WWOX: variants seen among roughly 807,000 people sequenced by gnomAD.
WWOX encodes WW domain-containing oxidoreductase.
Under a neutral mutation model 46.2 loss-of-function variants are expected in WWOX, and 69 were observed. That is an observed-to-expected ratio of 1.49 (90% CI 1.23 to 1.82). The LOEUF (loss-of-function observed/expected upper bound fraction) is 1.82, where lower values mean the gene tolerates loss of function less well. Ranked by LOEUF, WWOX falls within the 40% of genes most tolerant of loss-of-function variation. The pLI, the probability that WWOX is intolerant of heterozygous loss-of-function variation, is 0.00. For synonymous variants in WWOX, 359 were observed against 202.6 expected (o/e 1.77, Z -6.56); for missense variants, 919 against 542.6 (o/e 1.69, Z -6.89).
At chr16:79,080,975 T>G (rs2048749878) in intron 8 of WWOX, among the ~76,000 whole-genome samples, 1 of 152,144 alleles carries the variant, frequency 6.6e-6, no homozygotes, top group Admixed American at 6.5e-5. Context: ...GATGAAAAGA[T>G]TTTTATACCT....
At chr16:78,630,663 C>G (rs1597371738) in intron 8 of WWOX, among the ~76,000 whole-genome samples, 1 of 152,216 alleles carries the variant, frequency 6.6e-6, no homozygotes, top group Non-Finnish European at 1.5e-5. Flanking sequence ...TTTCCCTGTG[C>G]TCATTTTGCC....
At chr16:78,393,640 T>G (rs2082224189) in intron 6 of WWOX, among the ~76,000 whole-genome samples, 1 of 152,212 alleles carries the variant, frequency 6.6e-6, no homozygotes, top group Non-Finnish European at 1.5e-5. Context: ...TCAGCTTGTA[T>G]AATACTGACC....
intron 6 of WWOX, among the ~76,000 whole-genome samples, chr16:78,414,985 A>C (rs530728483): frequency 1.8e-4 from 27 of 152,018 alleles, no homozygotes; most frequent in African/African-American, 6.5e-4. Flanking sequence ...AAAGAATAAA[A>C]GAATGGCTAC....
intron 8 of WWOX, among the ~76,000 whole-genome samples, chr16:79,090,691 C>G (rs1251372475): frequency 6.6e-6 from 1 of 152,186 alleles, no homozygotes; most frequent in Non-Finnish European, 1.5e-5. Context: ...CGGCAAGTAT[C>G]AAGGTCCCGA....
chr16:79,206,915 G>C (rs922303641), intron 8 of WWOX, among the ~76,000 whole-genome samples: 1 of 152,174 alleles, frequency 6.6e-6, no homozygotes, highest in Admixed American at 6.5e-5. Context: ...AGTGAGTAGG[G>C]AACAAGTGGC....
At chr16:78,675,840 T>C (rs2047585144) in intron 8 of WWOX, among the ~76,000 whole-genome samples, 1 of 151,954 alleles carries the variant, frequency 6.6e-6, no homozygotes, top group African/African-American at 2.4e-5. Context: ...AATATATATA[T>C]TTTTTTAAAT....
intron 4 of WWOX, among the ~76,000 whole-genome samples, chr16:78,138,380 AG>A (rs1242870526): frequency 4.4e-5 from 6 of 137,404 alleles, no homozygotes; most frequent in African/African-American, 8.1e-5. Context: ...AACTCAGTTG[AG>A]CAGTAAAGAT....
chr16:78,449,870 T>G (rs549463382), intron 8 of WWOX, among the ~76,000 whole-genome samples: 1 of 152,064 alleles, frequency 6.6e-6, no homozygotes, highest in South Asian at 2.1e-4. Context: ...TGGATTTGAG[T>G]TACAAAAACT....
chr16:78,807,709 G>C (rs145191185), intron 8 of WWOX, among the ~76,000 whole-genome samples: 6 of 152,208 alleles, frequency 3.9e-5, no homozygotes, highest in Admixed American at 2.0e-4. Flanking sequence ...AAGAAACAAC[G>C]TACTGTTACA....
At chr16:78,732,686 A>G (rs1011395601) in intron 8 of WWOX, among the ~76,000 whole-genome samples, 1 of 152,186 alleles carries the variant, frequency 6.6e-6, no homozygotes, top group Non-Finnish European at 1.5e-5. Context: ...GTGCAGGCAT[A>G]TATGAATTCA....
chr16:78,761,463 G>T (rs1597566763), intron 8 of WWOX, among the ~76,000 whole-genome samples: 1 of 152,158 alleles, frequency 6.6e-6, no homozygotes, highest in Non-Finnish European at 1.5e-5. Flanking sequence ...TTGTCACCGG[G>T]GAGAAATTTG....
chr16:78,701,518 C>A (rs1453455892), intron 8 of WWOX, among the ~76,000 whole-genome samples: 3 of 152,110 alleles, frequency 2.0e-5, no homozygotes, highest in South Asian at 2.1e-4. Context: ...TCTCTTCTAT[C>A]TACCTGTCTC....
chr16:78,913,651 A>G (rs1422333015), intron 8 of WWOX, among the ~76,000 whole-genome samples: 1 of 150,194 alleles, frequency 6.7e-6, no homozygotes, highest in Non-Finnish European at 1.5e-5. Flanking sequence ...CTGTGCTCAT[A>G]CTGCTACAGT....
chr16:78,558,283 T>C (rs1226580455), intron 8 of WWOX, among the ~76,000 whole-genome samples: 1 of 152,358 alleles, frequency 6.6e-6, no homozygotes, highest in East Asian at 1.9e-4. Flanking sequence ...CCCAGTCATA[T>C]CCTAGAAGCT....
chr16:78,427,956 T>C (rs1304853222), intron 7 of WWOX, among the ~76,000 whole-genome samples: 1 of 151,844 alleles, frequency 6.6e-6, no homozygotes, highest in Non-Finnish European at 1.5e-5. Flanking sequence ...TAATCCCAGC[T>C]ATTTGGGAGG....
chr16:78,664,202 A>G (rs749424503), intron 8 of WWOX, among the ~76,000 whole-genome samples: 10 of 152,208 alleles, frequency 6.6e-5, no homozygotes, highest in Admixed American at 2.6e-4. Flanking sequence ...GGATGGATTC[A>G]GGAAACATGA....
At chr16:78,953,867 GTTTA>G (rs1487075059) in intron 8 of WWOX, among the ~76,000 whole-genome samples, 17 of 152,144 alleles carry the variant, frequency 1.1e-4, no homozygotes, top group Non-Finnish European at 1.8e-4. Flanking sequence ...TGGGCTTTGA[GTTTA>G]TTTGACACTT....
rs549293859 is a variant in WWOX at position 78,611,225 on chromosome 16, G to A, written c.1056+178473G>A. On this transcript the variant is annotated intron_variant, in intron 8 of 8. Coordinates refer to ENST00000566780, the MANE Select transcript of WWOX (RefSeq NM_016373.4). ...ATTTGTGATTTGCTACGTTCATTTC[G>A]TGAGACTTTTGGTGAAAGACATCTC... is the stretch of plus-strand genomic sequence containing the variant. 3.3e-5 allele frequency among the ~76,000 whole-genome samples: 5 copies of A among 152,228 alleles called. No individual in the cohort carries two copies. The East Asian group carries it at 5.8e-4, about 18-fold the overall frequency.
intron 8 of WWOX, among the ~76,000 whole-genome samples, chr16:78,650,621 C>T (rs2046945712): frequency 2.0e-5 from 3 of 152,164 alleles, no homozygotes; most frequent in Non-Finnish European, 2.9e-5. Context: ...CATATGTTGT[C>T]ATAGTGATGT....
Sources: gnomAD v4.1 joint callset for allele counts (sites outside exome capture counted in the v4.1 genomes callset) on GRCh38, gnomAD v4.1.1 for gene constraint, MANE v1.5 for transcripts, NCBI Gene and HGNC (gene_info 2026-07-23, HGNC 2026-07-21) for gene names.